Variants in GPATCH2 observed in about 807,000 individuals in gnomAD.
GPATCH2 encodes G-patch domain containing 2.
In GPATCH2, 51 loss-of-function variants were observed where a neutral mutation model predicts 58.0. The observed-to-expected ratio is 0.88, with a 90% CI of 0.70 to 1.11. The LOEUF is 1.11. Among genes scored for constraint, GPATCH2 ranks in the 50% most tolerant of loss-of-function variants. The pLI is 0.00. For synonymous variants in GPATCH2, 222 were observed against 218.5 expected (o/e 1.02, Z -0.14); for missense variants, 625 against 652.2 (o/e 0.96, Z 0.45).
At chr1:217,529,815 G>C (rs1461275025) in intron 5 of GPATCH2, among the ~76,000 whole-genome samples, 2 of 152,042 alleles carry the variant, frequency 1.3e-5, no homozygotes, top group Non-Finnish European at 2.9e-5. Flanking sequence ...TCTCGCCCAA[G>C]AGTTAACTTT....
At chr1:217,544,527 A>G (rs1664931655) in intron 5 of GPATCH2, among the ~76,000 whole-genome samples, 1 of 152,220 alleles carries the variant, frequency 6.6e-6, no homozygotes, top group South Asian at 2.1e-4. Context: ...AGCCTAAGTA[A>G]ACCCTAATCA....
At chr1:217,524,866 A>AGCGG (rs1558458027) in intron 5 of GPATCH2, among the ~76,000 whole-genome samples, 4 of 4,130 alleles carry the variant, frequency 9.7e-4, no homozygotes, top group African/African-American at 2.7e-3. Flanking sequence ...GGGAGAGGGG[A>AGCGG]GAGGGGAGAG....
intron 5 of GPATCH2, among the ~76,000 whole-genome samples, chr1:217,515,685 G>T (rs983181265): frequency 6.6e-6 from 1 of 151,532 alleles, no homozygotes; most frequent in African/African-American, 2.4e-5. Flanking sequence ...TCCAGCCTGG[G>T]TGACAGAGCA....
chr1:217,491,227 A>G (rs1177217109), intron 8 of GPATCH2, among the ~76,000 whole-genome samples: 2 of 152,236 alleles, frequency 1.3e-5, no homozygotes, highest in African/African-American at 2.4e-5. Context: ...TATTATGGAA[A>G]AAACTAACAT....
At chr1:217,489,028 T>C (rs1182790084) in intron 8 of GPATCH2, among the ~76,000 whole-genome samples, 3 of 152,020 alleles carry the variant, frequency 2.0e-5, no homozygotes, top group Non-Finnish European at 4.4e-5. Flanking sequence ...TGTGTTTATG[T>C]GTATGATTCA....
intron 5 of GPATCH2, among the ~76,000 whole-genome samples, chr1:217,525,248 G>T (rs1663830975): frequency 6.6e-6 from 1 of 151,760 alleles, no homozygotes; most frequent in Non-Finnish European, 1.5e-5. Context: ...GGTTCACAGG[G>T]TTATCTAGCT....
At chr1:217,526,409 G>T (rs534645370) in intron 5 of GPATCH2, among the ~76,000 whole-genome samples, 1 of 152,078 alleles carries the variant, frequency 6.6e-6, no homozygotes, top group African/African-American at 2.4e-5. Context: ...AAAAAAGTAT[G>T]TAATCATGAT....
intron 5 of GPATCH2, among the ~76,000 whole-genome samples, chr1:217,536,970 T>A (rs759993559): frequency 3.5e-4 from 54 of 152,156 alleles, no homozygotes; most frequent in Non-Finnish European, 8.8e-5. Flanking sequence ...AGACTCCATC[T>A]CAAACAAAAC....
chr1:217,534,104 T>C (rs1340634240), intron 5 of GPATCH2, among the ~76,000 whole-genome samples: 1 of 152,000 alleles, frequency 6.6e-6, no homozygotes, highest in Non-Finnish European at 1.5e-5. Context: ...TAATCCCAGC[T>C]ACTCAGGAGG....
intron 6 of GPATCH2, among the ~76,000 whole-genome samples, chr1:217,500,943 C>T (rs1220798749): frequency 6.6e-6 from 1 of 151,960 alleles, no homozygotes; most frequent in Non-Finnish European, 1.5e-5. Flanking sequence ...ATCCTGTGCA[C>T]CTTTATCCCG....
intron 5 of GPATCH2, among the ~76,000 whole-genome samples, chr1:217,538,792 A>C (rs756244033): frequency 6.6e-6 from 1 of 152,196 alleles, no homozygotes; most frequent in Non-Finnish European, 1.5e-5. Flanking sequence ...ACTATGGGCC[A>C]AGTTATGTCC....
At chr1:217,433,386 T>TA (rs1558388568) in intron 9 of GPATCH2, among the ~76,000 whole-genome samples, 793 of 28,684 alleles carry the variant, frequency 0.028, 3 homozygotes, top group Middle Eastern at 0.048. Context: ...ATATATATAT[T>TA]TATTTATTTA....
intron 5 of GPATCH2, among the ~76,000 whole-genome samples, chr1:217,537,735 A>G (rs888431842): frequency 6.7e-6 from 1 of 149,740 alleles, no homozygotes; most frequent in Non-Finnish European, 1.5e-5. Flanking sequence ...AAATGCTTAA[A>G]TTAATTTGAC....
intron 5 of GPATCH2, among the ~76,000 whole-genome samples, chr1:217,595,836 T>G (rs1207516206): frequency 1.3e-5 from 2 of 152,140 alleles, no homozygotes; most frequent in Non-Finnish European, 2.9e-5. Flanking sequence ...TGAAAATCTG[T>G]TTGTGAACCC....
chr1:217,504,462 T>G (rs150364234), intron 6 of GPATCH2, among the ~76,000 whole-genome samples: 1 of 152,332 alleles, frequency 6.6e-6, no homozygotes, highest in Non-Finnish European at 1.5e-5. Context: ...AGGATAATGA[T>G]AATAACACTA....
At chr1:217,530,853 G>C (rs1164384619) in intron 5 of GPATCH2, among the ~76,000 whole-genome samples, 2 of 152,144 alleles carry the variant, frequency 1.3e-5, no homozygotes, top group Non-Finnish European at 2.9e-5. Flanking sequence ...TAAAGGTCAT[G>C]AGTTAAAATA....
At chr1:217,517,617 TATC>T (rs1261964452) in intron 5 of GPATCH2, among the ~76,000 whole-genome samples, 5 of 152,142 alleles carry the variant, frequency 3.3e-5, no homozygotes, top group Non-Finnish European at 7.4e-5. Flanking sequence ...GTTTCTGTCT[TATC>T]ATTAATTCAA....
At chr1:217,464,902 C>G (rs1053594818) in intron 8 of GPATCH2, among the ~76,000 whole-genome samples, 1 of 151,980 alleles carries the variant, frequency 6.6e-6, no homozygotes, top group African/African-American at 2.4e-5. Context: ...TCCTTAGAGA[C>G]CGTAAGAGTA....
At chr1:217,446,593 C>T (rs955211804) in intron 9 of GPATCH2, among the ~76,000 whole-genome samples, 2 of 151,890 alleles carry the variant, frequency 1.3e-5, no homozygotes, top group Admixed American at 6.6e-5. Context: ...AAAAATGCCT[C>T]GAAAATAAGT....
Sources: allele counts gnomAD v4.1 joint callset (sites outside exome capture counted in the v4.1 genomes callset), GRCh38; gene constraint gnomAD v4.1.1; transcripts MANE v1.5; gene names NCBI Gene and HGNC (gene_info 2026-07-23, HGNC 2026-07-21).